Variants in KIF19 observed in about 807,000 individuals in gnomAD.
KIF19 encodes kinesin-like protein KIF19.
KIF19 carries 98 observed loss-of-function variants against 106.6 expected under a neutral mutation model. That is an observed-to-expected ratio of 0.92 (90% confidence interval 0.78 to 1.09). The LOEUF is 1.09. Among genes scored for constraint, KIF19 ranks in the 50% least tolerant of loss-of-function variants. The pLI, the probability that KIF19 is intolerant of heterozygous loss-of-function variation, is 0.00. For missense variants in KIF19, 1,373 were observed against 1,414.3 expected, an observed-to-expected ratio of 0.97 and a Z score of 0.47; for synonymous variants, 516 against 584.2, an observed-to-expected ratio of 0.88 and a Z score of 1.68.
chr17:74,332,774 G>C (rs747629810), intron 2 of KIF19, among the ~76,000 whole-genome samples: 1 of 152,188 alleles, frequency 6.6e-6, no homozygotes, highest in African/African-American at 2.4e-5. Context: ...GGCAAGAGGA[G>C]CCCTGAGCTC....
At chr17:74,327,688 G>T (rs1010744115) in intron 1 of KIF19, among the ~76,000 whole-genome samples, 1 of 152,156 alleles carries the variant, frequency 6.6e-6, no homozygotes, top group Non-Finnish European at 1.5e-5. Flanking sequence ...GGCCAGGCTG[G>T]TCTCGAACTC....
At chr17:74,339,331 C>T (rs760029786) in intron 2 of KIF19, among the ~76,000 whole-genome samples, 42 of 151,860 alleles carry the variant, frequency 2.8e-4, no homozygotes, top group Admixed American at 2.0e-4. Flanking sequence ...TGACTTTGTG[C>T]CTCAACTTCC....
At position 74,349,229 on chromosome 17, in the gene KIF19, A is replaced by T; in HGVS notation, c.1093A>T (p.Thr365Ser). Residue 365 changes from threonine to serine, a missense_variant, in exon 10 of 20, where the codon ACC (threonine) becomes TCC (serine). Transcript: ENST00000389916. ...CGTCTCCTACCACATCGCCCAGTAC[A>T]CCAGCATCATCGCTGACCTGCGGGG... The part of the protein sequence containing the change: ...LNVSYHIAQY[T>S]SIIADLRGEI... 1 of 1,613,822 alleles carries T rather than the reference A, an allele frequency of 6.2e-7. No homozygotes were observed. The highest frequency in any genetic ancestry group is 1.3e-5 in the African/African-American group (1 of 75,062).
At position 74,333,880 on chromosome 17, in the gene KIF19, T is replaced by TG. The variant is rs376082343; in HGVS notation, c.120+5380dup. Among the ~76,000 whole-genome samples, 580 of 135,780 alleles carry TG rather than the reference T, an allele frequency of 4.3e-3. 9 individuals are homozygous for TG. The highest frequency in any genetic ancestry group is 0.015 in the African/African-American group (546 of 35,728). The allele number at this position is 135,780 out of a possible 152,430, so 89.1% of individuals were successfully genotyped here. ...TTTTTTTTCTTTTTTTTTTTTGAGA[T>TG]GGGGGTCTCACTTTGTCACTGCCAC... On this transcript the variant is annotated intron_variant, in intron 2 of 19. Coordinates refer to ENST00000389916, the MANE Select transcript of KIF19 (RefSeq NM_153209.4).
Position 74,342,626 on chromosome 17 carries a change from G to C in KIF19, c.232-4G>C. The C allele has an allele frequency of 6.2e-7, 1 of 1,612,040 alleles. No individual in the cohort carries two copies. The highest frequency in any genetic ancestry group is 8.5e-7 in the Non-Finnish European group (1 of 1,178,814). ...CGGCCCCTGACAGGCTTCCTTCCTC[G>C]CAGGAGATGGTGTATCAGGCCACCA... On this transcript the variant is annotated splice_polypyrimidine_tract_variant and splice_region_variant and intron_variant, in intron 3 of 19. Transcript: ENST00000389916.
intron 17 of KIF19, among the ~76,000 whole-genome samples, chr17:74,353,898 A>C: frequency 6.6e-6 from 1 of 152,096 alleles, no homozygotes; most frequent in African/African-American, 2.4e-5. Context: ...ATATCGATTC[A>C]ATGTCTGCCC....
chr17:74,339,950 G>A (rs2054319046), intron 2 of KIF19, among the ~76,000 whole-genome samples: 1 of 152,172 alleles, frequency 6.6e-6, no homozygotes, highest in Non-Finnish European at 1.5e-5. Context: ...AGTCATGGGT[G>A]CGGGGAACAG....
chr17:74,344,203 T>C lies in KIF19; in HGVS notation c.457-20T>C. 6.4e-6 allele frequency: 7 copies of C among 1,096,428 alleles called. No individual in the cohort carries two copies. The highest frequency in any genetic ancestry group is 1.9e-5 in the Admixed American group (1 of 53,912). The allele number at this position is 1,096,428 out of a possible 1,614,324, so 67.9% of individuals were successfully genotyped here. A position where few individuals can be genotyped will look rare whatever the true frequency, so the allele number is the denominator to read the frequency against. On this transcript the variant is annotated intron_variant, in intron 5 of 19. Transcript: ENST00000389916. ...CCCTTAGTCTCCCTTCCCCCACCCC[T>C]CCCCCACCTGTCCCGTCAGATCTAC...
Position 74,344,187 on chromosome 17 carries a change from T to A in KIF19, c.457-36T>A, listed in dbSNP as rs767337645. ...TGGCCTTGACCTCCTGCCCTTAGTCTCCCTTCCCCCACCCCTCCCCCACCT... is the reference window on the plus strand; with the variant it reads ...TGGCCTTGACCTCCTGCCCTTAGTCACCCTTCCCCCACCCCTCCCCCACCT... On this transcript the variant is annotated intron_variant, in intron 5 of 19. Coordinates refer to ENST00000389916, the MANE Select transcript of KIF19 (RefSeq NM_153209.4). 1.3e-5 allele frequency: 20 copies of A among 1,587,598 alleles called. 1 individual carries two copies. The East Asian group carries it at 4.5e-4, about 36-fold the overall frequency.
intron 10 of KIF19, among the ~76,000 whole-genome samples, chr17:74,349,557 C>T (rs542417436): frequency 3.3e-5 from 5 of 152,314 alleles, no homozygotes; most frequent in East Asian, 1.9e-4. Context: ...GATCACAAGC[C>T]GATTTCCCAA....
intron 15 of KIF19, 65 bp downstream of exon 15, chr17:74,353,019 C>G (rs548306198): frequency 1.3e-6 from 2 of 1,588,860 alleles, no homozygotes; most frequent in Non-Finnish European, 1.7e-6. Context: ...CCAACCCAGA[C>G]TAAGGCTAAA....
At chr17:74,340,555 G>GCGCGCGCACACACACACACACA in intron 2 of KIF19, among the ~76,000 whole-genome samples, 3 of 148,210 alleles carry the variant, frequency 2.0e-5, no homozygotes, top group African/African-American at 7.5e-5. Context: ...ATGCGCGCGC[G>GCGCGCGCACACACACACACACA]TACACACACA....
intron 2 of KIF19, among the ~76,000 whole-genome samples, chr17:74,338,286 A>G (rs1362909967): frequency 6.6e-6 from 1 of 152,226 alleles, no homozygotes; most frequent in Non-Finnish European, 1.5e-5. Context: ...ACTCAGAGCC[A>G]GGTTTTACCT....
At chr17:74,345,304 C>T (rs1465491948) in intron 7 of KIF19, among the ~76,000 whole-genome samples, 1 of 151,930 alleles carries the variant, frequency 6.6e-6, no homozygotes, top group African/African-American at 2.4e-5. Flanking sequence ...TGTGGCTGCC[C>T]TAGGGGAGGG....
At position 74,331,353 on chromosome 17, in the gene KIF19, T is replaced by C. The variant is rs1337492924; in HGVS notation, c.120+2848T>C. On this transcript the variant is annotated intron_variant, in intron 2 of 19. Transcript: ENST00000389916. The surrounding 1 kb of genome is among the most constrained non-coding windows in gnomAD (Gnocchi z 4.1). ...TGAGCCAGGACATGTTCGTCCTGAG[T>C]GGGGAGAGGTGGACCGGGGACACAG... Among the ~76,000 whole-genome samples, 1 of 143,438 alleles carries C rather than the reference T, an allele frequency of 7.0e-6. No individual in the cohort carries two copies. Among genetic ancestry groups the C allele is most frequent in the Non-Finnish European group, 1.6e-5 (1 of 64,322 alleles). The allele number at this position is 143,438 out of a possible 152,430, so 94.1% of individuals were successfully genotyped here.
rs1290087806 is a variant in KIF19, at chr17:74,354,805, C to A, written c.2730C>A (p.Leu910=). The part of the protein sequence containing the change: ...GQGLSHPKTH[L]LGPHQAERIS... ...AGCTCTCCCACCCCAAGACACACCT[C>A]CTGGGGCCCCATCAGGCGGAGCGCA... Residue 910 remains leucine (L), a synonymous_variant, in exon 19 of 20, where the codon CTC becomes CTA. Coordinates refer to ENST00000389916, the MANE Select transcript of KIF19 (RefSeq NM_153209.4). 1.9e-6 allele frequency: 3 copies of A among 1,559,434 alleles called. No individual in the cohort carries two copies. The highest frequency in any genetic ancestry group is 2.6e-6 in the Non-Finnish European group (3 of 1,151,896).
chr17:74,334,739 G>GAAAC (rs889621511), intron 2 of KIF19, among the ~76,000 whole-genome samples: 28 of 152,218 alleles, frequency 1.8e-4, no homozygotes, highest in South Asian at 6.2e-4. Context: ...CTCCTTTAAA[G>GAAAC]AAACAAACAA....
In KIF19 at chr17:74,344,911, C is replaced by T. The variant is rs780681154; in HGVS notation, c.733C>T (p.Arg245Cys). ...KNILQEVRQG[R>C]LFMIDLAGSE... ...CATCTTGCAGGAGGTGCGGCAGGGC[C>T]GCCTGTTCATGATCGACCTGGCTGG... is the stretch of plus-strand genomic sequence containing the variant. The change falls in exon 7 of 20, where the codon CGC becomes TGC. Residue 245 changes from arginine to cysteine, a missense_variant. This residue lies in a region of KIF19 where 348 missense variants were observed against 389.5 expected (regional missense o/e 0.89). Coordinates refer to ENST00000389916, the MANE Select transcript of KIF19 (RefSeq NM_153209.4). 21 of 1,611,368 alleles carry T rather than the reference C, an allele frequency of 1.3e-5. No individual in the cohort carries two copies. In the East Asian group the frequency reaches 1.3e-4, roughly 10 times the overall value.
chr17:74,350,745 G>A lies in KIF19; in HGVS notation c.1427G>A (p.Arg476Gln), dbSNP rs990344581. The A allele has an allele frequency of 1.1e-5, 18 of 1,613,830 alleles. No individual in the cohort carries two copies. Among genetic ancestry groups the A allele is most frequent in the East Asian group, 2.2e-5 (1 of 44,894 alleles). Reference sequence around the variant, plus strand: ...AAGTCCCGCCGGGCCCTCAAATGGCGGGAGGAGCAGCGAAAGGAGTGCTAC... The same window carrying A: ...AAGTCCCGCCGGGCCCTCAAATGGCAGGAGGAGCAGCGAAAGGAGTGCTAC... ...HEKSRRALKW[R>Q]EEQRKECYAK... is the part of the protein sequence containing the mutation. Residue 476 changes from arginine to glutamine, a missense_variant, in exon 12 of 20, where the codon CGG becomes CAG. This residue lies in a region of KIF19 where 1,020 missense variants were observed against 1,008.2 expected (regional missense o/e 1.01). Coordinates refer to ENST00000389916, the MANE Select transcript of KIF19 (RefSeq NM_153209.4).
Sources: allele counts gnomAD v4.1 joint callset (sites outside exome capture counted in the v4.1 genomes callset), GRCh38; gene constraint gnomAD v4.1.1; regional missense constraint gnomAD v4.1.1; non-coding constraint Gnocchi (gnomAD v3.1); transcripts MANE v1.5; gene names NCBI Gene and HGNC (gene_info 2026-07-23, HGNC 2026-07-21).